PDE8A: variants seen among roughly 807,000 people sequenced by gnomAD.
PDE8A encodes phosphodiesterase 8A, also known as high affinity cAMP-specific and IBMX-insensitive 3',5'-cyclic phosphodiesterase 8A.
PDE8A carries 59 observed loss-of-function variants against 105.0 expected under a neutral mutation model. That is an observed-to-expected ratio of 0.56 (90% CI 0.46 to 0.70). PDE8A has a LOEUF of 0.70. PDE8A is among the 30% of genes least tolerant of loss of function. The pLI, the probability that PDE8A is intolerant of heterozygous loss-of-function variation, is 0.00. For missense variants in PDE8A, 1,014 were observed against 1,045.9 expected (o/e 0.97, Z 0.42); for synonymous variants, 355 against 371.9 (o/e 0.95, Z 0.52).
intron 2 of PDE8A, among the ~76,000 whole-genome samples, chr15:85,066,586 ACACACACACAC>A (rs1567261519): frequency 2.0e-3 from 23 of 11,258 alleles, no homozygotes; most frequent in African/African-American, 7.0e-3. Context: ...CCCCCAAAAC[ACACACACACAC>A]ACACACACAC....
chr15:85,109,109 G>A lies in PDE8A; in HGVS notation c.1093G>A (p.Val365Ile). 6.2e-7 allele frequency: 1 copy of A among 1,610,866 alleles called. No homozygotes were observed. The highest frequency in any genetic ancestry group is 1.7e-4 in the Middle Eastern group (1 of 6,058). ...AAAAGGCTCACTAGACGTCAAAGCT[G>A]TTGCCTCCCGTGCAACTGAAGGTGA... is the stretch of plus-strand genomic sequence containing the variant. The part of the protein sequence containing the change: ...RRKGSLDVKA[V>I]ASRATEVSSQ... The change falls in exon 12 of 22, where the codon GTT becomes ATT. Residue 365 changes from valine (V) to isoleucine (I), a missense_variant. Physicochemically the swap from Val to Ile is conservative, Grantham distance 29. Transcript: ENST00000394553.
Position 85,083,627 on chromosome 15 carries a change from ATCACAACTGAAAC to A in PDE8A, c.622_634del (p.Gln208GlyfsTer10). The A allele has an allele frequency of 6.2e-7, 1 of 1,611,790 alleles. No individual in the cohort carries two copies. Among genetic ancestry groups the A allele is most frequent in the Non-Finnish European group, 8.5e-7 (1 of 1,177,920 alleles). On this transcript the variant is annotated frameshift_variant, in exon 6 of 22. Coordinates refer to ENST00000394553, the MANE Select transcript of PDE8A (RefSeq NM_002605.3). LOFTEE classifies it high-confidence loss of function. The stretch of plus-strand genomic sequence containing the variant: ...TCCAGCTGGAGTTTGGAGAGGTGCG[ATCACAACTGAAAC>A]TCAGGTAATTCTACCACTTCTGGAA...
At chr15:85,095,083 G>A (rs766861215) in intron 8 of PDE8A, among the ~76,000 whole-genome samples, 2 of 152,086 alleles carry the variant, frequency 1.3e-5, no homozygotes, top group African/African-American at 4.8e-5. Flanking sequence ...TCAAGACAGC[G>A]GGTGCCAAGA....
intron 1 of PDE8A, among the ~76,000 whole-genome samples, chr15:85,007,593 G>T: frequency 6.6e-6 from 1 of 151,894 alleles, no homozygotes; most frequent in East Asian, 1.9e-4. Flanking sequence ...ATTGTTTTCA[G>T]ATCTCAGCTC....
intron 1 of PDE8A, among the ~76,000 whole-genome samples, chr15:85,032,599 G>A (rs1437446367): frequency 2.6e-5 from 4 of 152,042 alleles, no homozygotes; most frequent in South Asian, 4.1e-4. Flanking sequence ...TGGTTTATGG[G>A]ATTGTTTATT....
chr15:85,069,462 TC>T, intron 3 of PDE8A, among the ~76,000 whole-genome samples: 1 of 152,314 alleles, frequency 6.6e-6, no homozygotes, highest in Middle Eastern at 3.4e-3. Flanking sequence ...AGAATGGACT[TC>T]CAACACTGGA....
chr15:85,037,750 A>G (rs1023026549), intron 1 of PDE8A, among the ~76,000 whole-genome samples: 2 of 152,200 alleles, frequency 1.3e-5, no homozygotes, highest in South Asian at 2.1e-4. Flanking sequence ...AGAGGAAATG[A>G]TATCAGCAGA....
At chr15:85,046,593 G>A (rs1451659530) in intron 1 of PDE8A, among the ~76,000 whole-genome samples, 1 of 152,152 alleles carries the variant, frequency 6.6e-6, no homozygotes, top group Non-Finnish European at 1.5e-5. Flanking sequence ...AATCCCTGTT[G>A]TTATAGAACT....
intron 8 of PDE8A, among the ~76,000 whole-genome samples, chr15:85,096,893 A>G (rs910443743): frequency 2.0e-5 from 3 of 152,178 alleles, no homozygotes; most frequent in Non-Finnish European, 4.4e-5. Flanking sequence ...TTTCTTTTTG[A>G]TCTGCTTTCC....
At chr15:85,019,903 C>T (rs1446351327) in intron 1 of PDE8A, among the ~76,000 whole-genome samples, 1 of 144,718 alleles carries the variant, frequency 6.9e-6, no homozygotes, top group Non-Finnish European at 1.5e-5. Context: ...TTCGAAAAGG[C>T]TCTTGGGTCT....
intron 1 of PDE8A, among the ~76,000 whole-genome samples, chr15:85,043,685 TTTGTTTG>T (rs869159978): frequency 6.6e-4 from 20 of 30,374 alleles, no homozygotes; most frequent in African/African-American, 2.0e-3. Flanking sequence ...TGGTTTTTTG[TTTGTTTG>T]TTTGTTTGTT....
At chr15:85,113,710 T>G (rs1422367901) in intron 13 of PDE8A, among the ~76,000 whole-genome samples, 163 bp from the exon 14 acceptor site, 1 of 152,188 alleles carries the variant, frequency 6.6e-6, no homozygotes, top group African/African-American at 2.4e-5. Context: ...AGAGATGTGC[T>G]CTCTCATTTC....
chr15:85,068,432 G>T (rs188497954), intron 3 of PDE8A, among the ~76,000 whole-genome samples: 25 of 152,276 alleles, frequency 1.6e-4, no homozygotes, highest in African/African-American at 5.1e-4. Context: ...GAGAGCTCCG[G>T]CCAGGAAAAA....
At chr15:85,062,348 A>T (rs549766002) in intron 1 of PDE8A, 1 of 152,292 alleles carries the variant, frequency 6.6e-6, no homozygotes, top group Non-Finnish European at 1.5e-5. Context: ...GCATTTTCTA[A>T]GCCTTTCCCT....
At chr15:85,003,984 G>C (rs2080106008) in intron 1 of PDE8A, among the ~76,000 whole-genome samples, 1 of 152,206 alleles carries the variant, frequency 6.6e-6, no homozygotes, top group Non-Finnish European at 1.5e-5. Context: ...AGGGTCATGA[G>C]TGAGAGGTTT....
chr15:85,028,149 T>C (rs900845773), intron 1 of PDE8A, among the ~76,000 whole-genome samples: 9 of 152,222 alleles, frequency 5.9e-5, no homozygotes, highest in African/African-American at 2.2e-4. Context: ...GTACACAATG[T>C]TATGATTTTC....
At chr15:85,103,345 T>C (rs933380297) in intron 11 of PDE8A, among the ~76,000 whole-genome samples, 4 of 152,210 alleles carry the variant, frequency 2.6e-5, no homozygotes, top group African/African-American at 9.7e-5. Flanking sequence ...TCTCCCAAAC[T>C]GCATTTGTAC....
At chr15:85,066,477 A>G (rs1420301619) in intron 2 of PDE8A, among the ~76,000 whole-genome samples, 2 of 151,894 alleles carry the variant, frequency 1.3e-5, no homozygotes, top group Non-Finnish European at 2.9e-5. Context: ...AGGTACAAGA[A>G]CACTGGAACC....
chr15:85,036,543 C>G (rs1404333066), intron 1 of PDE8A, among the ~76,000 whole-genome samples: 1 of 152,166 alleles, frequency 6.6e-6, no homozygotes, highest in African/African-American at 2.4e-5. Context: ...CCCACATACA[C>G]TTTGGCTATG....
Sources: gnomAD v4.1 joint callset for allele counts (sites outside exome capture counted in the v4.1 genomes callset) on GRCh38, gnomAD v4.1.1 for gene constraint, MANE v1.5 for transcripts, NCBI Gene and HGNC (gene_info 2026-07-23, HGNC 2026-07-21) for gene names.